MDN1: variants seen among roughly 807,000 people sequenced by gnomAD.
MDN1 encodes midasin.
Under a neutral mutation model 669.2 loss-of-function variants are expected in MDN1, and 266 were observed. The ratio of observed to expected loss-of-function variants is 0.40; its 90% CI spans 0.36 to 0.44. The LOEUF (loss-of-function observed/expected upper bound fraction) is 0.44, where lower values mean the gene tolerates loss of function less well. MDN1 is among the 20% of genes least tolerant of loss of function. MDN1 has a pLI of 1.00. For missense variants in MDN1, 5,940 were observed against 6,754.0 expected (o/e 0.88, Z 4.22); for synonymous variants, 2,385 against 2,457.1 (o/e 0.97, Z 0.87).
At chr6:89,789,378 G>A (rs185912684) in intron 7 of MDN1, among the ~76,000 whole-genome samples, 1 of 152,230 alleles carries the variant, frequency 6.6e-6, no homozygotes, top group Admixed American at 6.5e-5. Context: ...CCTGTCCTCA[G>A]CCCACTCCTC....
At chr6:89,816,354 C>T (rs548143304) in intron 1 of MDN1, among the ~76,000 whole-genome samples, 16 of 151,976 alleles carry the variant, frequency 1.1e-4, no homozygotes, top group Admixed American at 2.0e-4. Flanking sequence ...GAGTTGAGAT[C>T]GCGCCGCTGC....
At chr6:89,688,033 C>T in intron 67 of MDN1, 45 bp downstream of exon 67, 2 of 1,500,976 alleles carry the variant, frequency 1.3e-6, no homozygotes, top group South Asian at 2.3e-5. Flanking sequence ...GTATCTTTTG[C>T]CAACTGACCA....
chr6:89,654,331 A>G lies in MDN1; in HGVS notation c.15494T>C (p.Val5165Ala), dbSNP rs775441873. 8 of 1,614,134 alleles carry G rather than the reference A, an allele frequency of 5.0e-6. No individual in the cohort carries two copies. In the South Asian group the frequency reaches 8.8e-5, roughly 18 times the overall value. The part of the protein sequence containing the change: ...SDAYDAQTYD[V>A]ASKEQQQSAK... ...AGACTGTTGCTGTTCTTTGCTGGCCACATCTGTCAACAAAGCACGCACCCA... is the reference window on the plus strand; with the variant it reads ...AGACTGTTGCTGTTCTTTGCTGGCCGCATCTGTCAACAAAGCACGCACCCA... The change falls in exon 93 of 102, where the codon GTG (valine) becomes GCG (alanine). Residue 5165 changes from valine (V) to alanine (A), a missense_variant. Val to Ala is a moderately conservative substitution (Grantham distance 64). Around this residue, in one of 5 missense-constraint regions of MDN1, gnomAD observed 2,280 missense variants for 2,576.3 expected, o/e 0.88. Coordinates refer to ENST00000369393, the MANE Select transcript of MDN1 (RefSeq NM_014611.3).
At chr6:89,794,506 C>T in intron 3 of MDN1, 71 bp downstream of exon 3, 2 of 1,423,280 alleles carry the variant, frequency 1.4e-6, no homozygotes, top group Non-Finnish European at 2.0e-6. Flanking sequence ...TCCCTCCTGA[C>T]ACACACAACT....
chr6:89,756,351 T>G lies in MDN1; in HGVS notation c.2742A>C (p.Glu914Asp), dbSNP rs1241147123. Residue 914 changes from glutamate to aspartate, a missense_variant, in exon 20 of 102, where the codon GAA becomes GAC. Coordinates refer to ENST00000369393, the MANE Select transcript of MDN1 (RefSeq NM_014611.3). ...ELYVEELESK[E>D]DLQVLIVDYL... ...AATCTACAATAAGAACCTGTAAGTC[T>G]TCTTTGCTTTCTAATTCTTCTACAT... The G allele has an allele frequency of 4.2e-5, 67 of 1,599,614 alleles. No homozygotes were observed. Among genetic ancestry groups the G allele is most frequent in the Non-Finnish European group, 5.7e-5 (67 of 1,171,686 alleles).
chr6:89,794,944 T>C (rs1819498958), intron 2 of MDN1, 143 bp from the exon 3 acceptor site: 1 of 717,118 alleles, frequency 1.4e-6, no homozygotes, highest in African/African-American at 1.8e-5. Flanking sequence ...TTTCATTGAT[T>C]GGTGGGAATA....
chr6:89,722,901 C>T (rs1814941561), intron 40 of MDN1, 54 bp downstream of exon 40: 7 of 1,502,730 alleles, frequency 4.7e-6, no homozygotes, highest in Non-Finnish European at 6.3e-6. Context: ...TTCTCACCCA[C>T]AGGAAATCAA....
At chr6:89,815,545 C>G (rs183483325) in intron 1 of MDN1, 1 of 249,564 alleles carries the variant, frequency 4.0e-6, no homozygotes, top group Admixed American at 5.3e-5. Context: ...GAGCCCAGAG[C>G]CCCCCTGCTC....
chr6:89,696,805 C>T (rs1562104260), intron 59 of MDN1, among the ~76,000 whole-genome samples: 1 of 152,060 alleles, frequency 6.6e-6, no homozygotes, highest in Non-Finnish European at 1.5e-5. Context: ...GAGGAAAGCC[C>T]GCAAACCTGG....
intron 21 of MDN1, 48 bp downstream of exon 21, chr6:89,754,035 G>A: frequency 6.3e-7 from 1 of 1,583,724 alleles, no homozygotes; most frequent in Non-Finnish European, 8.6e-7. Flanking sequence ...TCCTTCCCAT[G>A]AACCCATCCA....
At chr6:89,802,163 G>T (rs778681630) in intron 2 of MDN1, among the ~76,000 whole-genome samples, 1 of 152,044 alleles carries the variant, frequency 6.6e-6, no homozygotes. Flanking sequence ...AGCCAGGAAC[G>T]TTCTCAGAGT....
chr6:89,767,928 C>T, intron 15 of MDN1, among the ~76,000 whole-genome samples: 1 of 151,996 alleles, frequency 6.6e-6, no homozygotes, highest in South Asian at 2.1e-4. Context: ...GTAGTCCCAA[C>T]TACTCAGGAG....
At chr6:89,663,953 A>AG (rs1378753220) in intron 85 of MDN1, among the ~76,000 whole-genome samples, 2 of 151,402 alleles carry the variant, frequency 1.3e-5, no homozygotes, top group South Asian at 2.1e-4. Flanking sequence ...AAAAAAAAAA[A>AG]AAAGAAAGAA....
intron 73 of MDN1, among the ~76,000 whole-genome samples, chr6:89,682,743 C>G (rs1245655879): frequency 4.8e-5 from 6 of 125,372 alleles, no homozygotes; most frequent in Admixed American, 8.2e-5. Flanking sequence ...AGTTCAAGAC[C>G]AGCCTGGGCA....
chr6:89,749,961 G>T (rs1816860852), intron 24 of MDN1, among the ~76,000 whole-genome samples: 1 of 152,154 alleles, frequency 6.6e-6, no homozygotes, highest in South Asian at 2.1e-4. Context: ...CCACAGAAAA[G>T]AAGCCAAGGC....
intron 35 of MDN1, among the ~76,000 whole-genome samples, chr6:89,729,451 C>G (rs1815431429): frequency 6.6e-6 from 1 of 152,170 alleles, no homozygotes; most frequent in Non-Finnish European, 1.5e-5. Context: ...ACTGTATGTA[C>G]TTGTACAATT....
intron 16 of MDN1, 46 bp from the exon 17 acceptor site, chr6:89,761,794 A>G: frequency 7.6e-7 from 1 of 1,316,698 alleles, no homozygotes; most frequent in Non-Finnish European, 1.1e-6. Context: ...GAATTGTAAT[A>G]TATACAACTT....
At chr6:89,690,215 A>G (rs1812291902) in intron 64 of MDN1, 72 bp from the exon 65 acceptor site, 1 of 1,475,366 alleles carries the variant, frequency 6.8e-7, no homozygotes, top group African/African-American at 1.4e-5. Flanking sequence ...AAAGGAAGAA[A>G]GAAAAAAGCA....
At chr6:89,663,857 G>A (rs1304489890) in intron 85 of MDN1, among the ~76,000 whole-genome samples, 1 of 151,778 alleles carries the variant, frequency 6.6e-6, no homozygotes, top group Non-Finnish European at 1.5e-5. Context: ...CAGGAGAATG[G>A]CGTGAACCCG....
Sources: gnomAD v4.1 joint callset for allele counts (sites outside exome capture counted in the v4.1 genomes callset) on GRCh38, gnomAD v4.1.1 for gene constraint, gnomAD v4.1.1 regional missense constraint, MANE v1.5 for transcripts, NCBI Gene and HGNC (gene_info 2026-07-23, HGNC 2026-07-21) for gene names.